PER1: variants seen among roughly 807,000 people sequenced by gnomAD.
The protein encoded by PER1 is period circadian protein homolog 1.
A neutral mutation model predicts 125.9 loss-of-function variants in PER1; 87 were observed. The ratio of observed to expected loss-of-function variants is 0.69; its 90% CI spans 0.58 to 0.83. PER1 has a LOEUF of 0.83. PER1 is among the 40% of genes least tolerant of loss of function. PER1 has a pLI of 0.00. For synonymous variants in PER1, 801 were observed against 714.7 expected, an observed-to-expected ratio of 1.12 and a Z score of -1.93; for missense variants, 1,775 against 1,722.8, an observed-to-expected ratio of 1.03 and a Z score of -0.54.
At chr17:8,141,624 T>C (rs958573079) in intron 22 of PER1, among the ~76,000 whole-genome samples, 181 bp downstream of exon 22, 5 of 152,094 alleles carry the variant, frequency 3.3e-5, no homozygotes, top group African/African-American at 1.2e-4. Flanking sequence ...GCAAATTTAG[T>C]GGAATCAACA....
chr17:8,145,760 C>G lies in PER1; in HGVS notation c.2218+198G>C, dbSNP rs76001050. 6.2e-3 allele frequency among the ~76,000 whole-genome samples: 946 copies of G among 152,258 alleles called. 7 individuals carry two copies. The highest frequency in any genetic ancestry group is 0.022 in the African/African-American group (893 of 41,534). On this transcript the variant is annotated intron_variant, in intron 17 of 22. Coordinates refer to ENST00000317276, the MANE Select transcript of PER1 (RefSeq NM_002616.3). ...TGTGTTTCAACTGACAGTAACAATA[C>G]GAGAAGCAGAACAGGGGAAGGGCAA...
intron 1 of PER1, 87 bp from the exon 2 acceptor site, chr17:8,150,932 C>T: frequency 2.0e-6 from 1 of 509,864 alleles, no homozygotes; most frequent in Non-Finnish European, 3.5e-6. Context: ...CTTCCCCCTG[C>T]CTGGCCTCCT....
chr17:8,146,612 C>T lies in PER1; in HGVS notation c.1889G>A (p.Cys630Tyr). 2 of 1,611,216 alleles carry T rather than the reference C, an allele frequency of 1.2e-6. No homozygotes were observed. Among genetic ancestry groups the T allele is most frequent in the South Asian group, 1.1e-5 (1 of 90,694 alleles). The change falls in exon 15 of 23, where the codon TGC (cysteine) becomes TAC (tyrosine). Residue 630 changes from cysteine (C) to tyrosine (Y), a missense_variant. Coordinates refer to ENST00000317276, the MANE Select transcript of PER1 (RefSeq NM_002616.3). ...ASSCSYQQIN[C>Y]LDSILRYLES... ...GCCTTACCTGAGGATGCTGTCCAGGCAGTTGATCTGCTGGTAGGAGCAGCT... is the reference window on the plus strand; with the variant it reads ...GCCTTACCTGAGGATGCTGTCCAGGTAGTTGATCTGCTGGTAGGAGCAGCT...
rs753274679 is a variant in PER1 at position 8,146,765 on chromosome 17, G to C, written c.1736C>G (p.Ala579Gly). ...ARPQSRPRLPATGTFKAKALP... is the reference protein window; with the variant it reads ...ARPQSRPRLPGTGTFKAKALP... Reference sequence around the variant, plus strand: ...GGCCTTGGCCTTGAACGTGCCTGTAGCTGGGGCAAAGAGAGAAAGAGGAAA... The same window carrying C: ...GGCCTTGGCCTTGAACGTGCCTGTACCTGGGGCAAAGAGAGAAAGAGGAAA... Residue 579 changes from alanine to glycine, a missense_variant and splice_region_variant, in exon 15 of 23, where the codon GCT (alanine) becomes GGT (glycine). Transcript: ENST00000317276. The C allele has an allele frequency of 1.2e-6, 2 of 1,609,966 alleles. No individual in the cohort carries two copies. Among genetic ancestry groups the C allele is most frequent in the Non-Finnish European group, 1.7e-6 (2 of 1,178,668 alleles).
rs1982464373 is a variant in PER1 at position 8,146,670 on chromosome 17, C to T, written c.1831G>A (p.Val611Ile). The change falls in exon 15 of 23, where the codon GTC (valine) becomes ATC (isoleucine). Residue 611 changes from valine (V) to isoleucine (I), a missense_variant. By Grantham distance (29) the Val-to-Ile change is conservative (BLOSUM62 3). Transcript: ENST00000317276. ...TCTTTCCTCTCGGCCTCCTCAGGGA[C>T]CAAGGCTAGTGGGGCCTGGACGGGA... is the stretch of plus-strand genomic sequence containing the variant. ...SAPVQAPLAL[V>I]PEEAERKEAS... The T allele has an allele frequency of 6.2e-7, 1 of 1,613,772 alleles. No homozygotes were observed. The highest frequency in any genetic ancestry group is 1.7e-5 in the Admixed American group (1 of 59,994).
intron 18 of PER1, 25 bp from the exon 19 acceptor site, chr17:8,143,901 A>AACCCT (rs746146908): frequency 6.3e-7 from 1 of 1,587,778 alleles, no homozygotes; most frequent in South Asian, 1.1e-5. Context: ...TAGGGTTAGC[A>AACCCT]AGGACCTCAA....
rs761283888 is a variant in PER1, at chr17:8,150,677, C to T, written c.30G>A (p.Gly10=). The change falls in exon 2 of 23, where the codon GGG becomes GGA. Residue 10 remains glycine (G), a synonymous_variant. Transcript: ENST00000317276. ...ATTCCCCAGGCCTGGGGTCCCCTCC[C>T]CCATCAGCCCCTTCTAGGGGGCCAC... The part of the protein sequence containing the change: MSGPLEGAD[G]GGDPRPGESF... 6.3e-7 allele frequency: 1 copy of T among 1,581,850 alleles called. No homozygotes were observed. Among genetic ancestry groups the T allele is most frequent in the South Asian group, 1.1e-5 (1 of 87,162 alleles).
rs190733146 is a variant in PER1, at chr17:8,148,796, G to A, written c.906-10C>T. ...CCGGTCAGGACCTCCTCTAGCAAAGGAGAGAGGAGCATTAGGGACTTTCAA... is the reference window on the plus strand; with the variant it reads ...CCGGTCAGGACCTCCTCTAGCAAAGAAGAGAGGAGCATTAGGGACTTTCAA... On this transcript the variant is annotated splice_polypyrimidine_tract_variant and intron_variant, in intron 7 of 22. Transcript: ENST00000317276. 1.2e-3 allele frequency: 1,983 copies of A among 1,613,224 alleles called. 5 individuals are homozygous for A. Among genetic ancestry groups the A allele is most frequent in the Non-Finnish European group, 1.1e-3 (1,265 of 1,179,658 alleles).
chr17:8,146,017 C>T lies in PER1; in HGVS notation c.2159G>A (p.Ser720Asn). Reference protein sequence around the residue: ...NKAESVVSVTSQCSFSSTIVH... With the variant: ...NKAESVVSVTNQCSFSSTIVH... ...GATGGTGGAGCTGAAGCTACACTGA[C>T]TGGTGACGGACACCACACTCTCCGC... The change falls in exon 17 of 23, where the codon AGT (serine) becomes AAT (asparagine). Residue 720 changes from serine (S) to asparagine (N), a missense_variant. By Grantham distance (46) the Ser-to-Asn change is conservative. Coordinates refer to ENST00000317276, the MANE Select transcript of PER1 (RefSeq NM_002616.3). The T allele has an allele frequency of 1.2e-6, 2 of 1,614,018 alleles. No individual in the cohort carries two copies. Among genetic ancestry groups the T allele is most frequent in the Non-Finnish European group, 1.7e-6 (2 of 1,179,946 alleles).
intron 1 of PER1, among the ~76,000 whole-genome samples, chr17:8,152,043 G>C (rs986912039): frequency 6.6e-6 from 1 of 152,200 alleles, no homozygotes; most frequent in Non-Finnish European, 1.5e-5. Context: ...GGGGCCCCTC[G>C]AGTAACGAGC....
chr17:8,150,908 G>C, intron 1 of PER1, 63 bp from the exon 2 acceptor site: 1 of 538,228 alleles, frequency 1.9e-6, no homozygotes, highest in Non-Finnish European at 3.2e-6. Context: ...AGCACCTGCT[G>C]GCTTCACTCA....
chr17:8,147,415 AC>A, intron 12 of PER1, 34 bp from the exon 13 acceptor site: 1 of 1,612,464 alleles, frequency 6.2e-7, no homozygotes, highest in Non-Finnish European at 8.5e-7. Context: ...AGATGGCTTG[AC>A]CCGGCTTCCC....
chr17:8,146,176 C>A (rs763706032), intron 16 of PER1, 39 bp from the exon 17 acceptor site: 3 of 1,559,634 alleles, frequency 1.9e-6, no homozygotes, highest in South Asian at 2.4e-5. Flanking sequence ...TCCCCACCCC[C>A]ACTGGGAAGT....
rs370982185 is a variant in PER1, at chr17:8,145,966, G to C, written c.2210C>G (p.Pro737Arg). 4 of 1,603,746 alleles carry C rather than the reference G, an allele frequency of 2.5e-6. No individual in the cohort carries two copies. Among genetic ancestry groups the C allele is most frequent in the Non-Finnish European group, 3.4e-6 (4 of 1,174,704 alleles). Residue 737 changes from proline (P) to arginine (R), a missense_variant, in exon 17 of 23, where the codon CCG becomes CGG. By Grantham distance (103) the Pro-to-Arg change is moderately radical (BLOSUM62 -2). Transcript: ENST00000317276. ...TIVHVGDKKP[P>R]ESDIIMMEDL... ...CAATTCCACACCCATACCCGACTCCGGGGGCTTCTTGTCTCCCACATGGAC... is the reference window on the plus strand; with the variant it reads ...CAATTCCACACCCATACCCGACTCCCGGGGCTTCTTGTCTCCCACATGGAC...
Position 8,147,912 on chromosome 17 carries a change from C to G in PER1, c.1234+85G>C. The G allele has an allele frequency of 5.1e-6, 8 of 1,584,096 alleles. No individual in the cohort carries two copies. The South Asian group carries it at 9.0e-5, about 18-fold the overall frequency. On this transcript the variant is annotated intron_variant, in intron 10 of 22. Coordinates refer to ENST00000317276, the MANE Select transcript of PER1 (RefSeq NM_002616.3). The stretch of plus-strand genomic sequence containing the variant: ...CCATGCCACTAGAGATCCAGGAGAC[C>G]AAGGCACCAAGAGACACAACCACAA...
chr17:8,142,767 C>G lies in PER1; in HGVS notation c.3141G>C (p.Leu1047=), dbSNP rs1375939318. Residue 1047 remains leucine (L), a synonymous_variant, in exon 20 of 23, where the codon CTG becomes CTC. Coordinates refer to ENST00000317276, the MANE Select transcript of PER1 (RefSeq NM_002616.3). ...SGSSDLLELL[L]QEDSRSGTGS... is the part of the protein sequence containing the mutation. ...CTGTGCCGGAGCGCGAGTCCTCTTG[C>G]AGCAGAAGTTCGAGCAGGTCACTGG... 1 of 1,613,714 alleles carries G rather than the reference C, an allele frequency of 6.2e-7. No individual in the cohort carries two copies.
rs201638793 is a variant in PER1 at position 8,148,042 on chromosome 17, G to A, written c.1189C>T (p.Leu397=). The A allele has an allele frequency of 2.5e-6, 4 of 1,613,130 alleles. No individual in the cohort carries two copies. Among genetic ancestry groups the A allele is most frequent in the Non-Finnish European group, 2.5e-6 (3 of 1,179,646 alleles). Residue 397 remains leucine (L), a synonymous_variant, in exon 10 of 23, where the codon CTG becomes TTG. Coordinates refer to ENST00000317276, the MANE Select transcript of PER1 (RefSeq NM_002616.3). ...ATGAGGGGTCGGTCCTCAGGATGCA[G>A]GAACAGGAGCACTGGGGCCCCCAGG... ...DLLGAPVLLF[L]HPEDRPLMLA...
At chr17:8,141,426 T>C in intron 22 of PER1, 86 bp from the exon 23 acceptor site, 2 of 1,448,838 alleles carry the variant, frequency 1.4e-6, no homozygotes, top group Non-Finnish European at 1.9e-6. Flanking sequence ...CAGCCCACTG[T>C]GCTTCCCGAA....
intron 1 of PER1, among the ~76,000 whole-genome samples, 159 bp from the exon 2 acceptor site, chr17:8,151,004 T>A (rs768166429): frequency 6.6e-6 from 1 of 152,188 alleles, no homozygotes; most frequent in Non-Finnish European, 1.5e-5. Context: ...GGATGTCTCC[T>A]GTACCCTTAG....
Sources: gnomAD v4.1 joint callset for allele counts (sites outside exome capture counted in the v4.1 genomes callset) on GRCh38, gnomAD v4.1.1 for gene constraint, MANE v1.5 for transcripts, NCBI Gene and HGNC (gene_info 2026-07-23, HGNC 2026-07-21) for gene names.